Variants in ZC3H15 observed in about 807,000 individuals in gnomAD.
ZC3H15 encodes the protein zinc finger CCCH domain-containing protein 15.
A neutral mutation model predicts 51.2 loss-of-function variants in ZC3H15; 15 were observed. The observed-to-expected ratio is 0.29, with a 90% CI of 0.20 to 0.45. The LOEUF is 0.45. ZC3H15 is among the 20% of genes least tolerant of loss of function. ZC3H15 has a pLI of 1.00. For missense variants in ZC3H15, 381 were observed against 494.7 expected (o/e 0.77, Z 2.18); for synonymous variants, 144 against 162.8 (o/e 0.88, Z 0.88).
chr2:186,500,864 G>A (rs1011754404), intron 3 of ZC3H15, among the ~76,000 whole-genome samples: 7 of 152,012 alleles, frequency 4.6e-5, no homozygotes, highest in Non-Finnish European at 7.4e-5. Flanking sequence ...TAATAGAGAC[G>A]GGATTTCATC....
chr2:186,501,168 A>G (rs1685376545), intron 3 of ZC3H15, 105 bp from the exon 4 acceptor site: 15 of 1,220,226 alleles, frequency 1.2e-5, no homozygotes, highest in Admixed American at 2.7e-5. Flanking sequence ...CTCTCACATC[A>G]GTGAATGGAA....
chr2:186,506,068 T>C, intron 8 of ZC3H15: 2 of 627,262 alleles, frequency 3.2e-6, no homozygotes, highest in Non-Finnish European at 5.8e-6. Context: ...GAATTAGTAG[T>C]TCTTTATACA....
chr2:186,499,554 A>T (rs1685342476), intron 2 of ZC3H15: 1 of 456,006 alleles, frequency 2.2e-6, no homozygotes, highest in East Asian at 7.0e-5. Context: ...TCATCCTGCT[A>T]GATTCTGAGC....
At chr2:186,495,943 T>C (rs1685274296) in intron 2 of ZC3H15, among the ~76,000 whole-genome samples, 1 of 152,226 alleles carries the variant, frequency 6.6e-6, no homozygotes, top group Non-Finnish European at 1.5e-5. Flanking sequence ...GGTTTGCACT[T>C]CTATGACTTC....
In ZC3H15 at chr2:186,495,316, TC is replaced by T; in HGVS notation, c.160del (p.Gln54AsnfsTer7). 6.5e-7 allele frequency: 1 copy of T among 1,539,900 alleles called. No homozygotes were observed. Among genetic ancestry groups the T allele is most frequent in the South Asian group, 1.3e-5 (1 of 76,574 alleles). On this transcript the variant is annotated frameshift_variant, in exon 2 of 10. Transcript: ENST00000337859. LOFTEE classifies it high-confidence loss of function. ...CTGTCACACATCAAGTTAAATTTGG[TC>T]AACAAAATCCACGTCAGGTAAGTAA... ...KAVTHQVKFG[Q>X]QNPRQVAQSE...
chr2:186,495,107 G>C (rs1003392534), intron 1 of ZC3H15, 126 bp from the exon 2 acceptor site: 1 of 546,688 alleles, frequency 1.8e-6, no homozygotes, highest in Non-Finnish European at 3.1e-6. Context: ...TTGATGTTTA[G>C]TGTTTTGCAT....
intron 7 of ZC3H15, 51 bp downstream of exon 7, chr2:186,505,648 T>G: frequency 1.2e-5 from 20 of 1,601,160 alleles, no homozygotes; most frequent in Non-Finnish European, 1.5e-5. Flanking sequence ...ATTTTCAATT[T>G]CTGTGTCATG....
At position 186,502,566 on chromosome 2, in the gene ZC3H15, G is replaced by GA. The variant is rs1685403646; in HGVS notation, c.519dup (p.Pro174ThrfsTer15). On this transcript the variant is annotated frameshift_variant, in exon 5 of 10. Coordinates refer to ENST00000337859, the MANE Select transcript of ZC3H15 (RefSeq NM_018471.3). LOFTEE classifies it high-confidence loss of function. Reference sequence around the variant, plus strand: ...ACAAGAAGCACGGTGAGGCGGAAAAGAAAAAACCAAAAACTCAAATAGTAT... The same window carrying GA: ...ACAAGAAGCACGGTGAGGCGGAAAAGAAAAAAACCAAAAACTCAAATAGTAT... The GA allele has an allele frequency of 6.2e-7, 1 of 1,611,822 alleles. No homozygotes were observed. Among genetic ancestry groups the GA allele is most frequent in the Non-Finnish European group, 8.5e-7 (1 of 1,178,868 alleles).
intron 9 of ZC3H15, 22 bp downstream of exon 9, chr2:186,506,858 T>C (rs1229201952): frequency 6.2e-7 from 1 of 1,602,740 alleles, no homozygotes; most frequent in Non-Finnish European, 8.5e-7. Flanking sequence ...AACTTTTGCC[T>C]AATTTTAAGA....
intron 8 of ZC3H15, chr2:186,506,180 A>G (rs544449343): frequency 2.8e-6 from 1 of 361,454 alleles, no homozygotes; most frequent in African/African-American, 2.1e-5. Flanking sequence ...TTTGGTTAAT[A>G]TTTTATGCTT....
Position 186,486,549 on chromosome 2 carries a change from C to T in ZC3H15, c.75+92C>T, listed in dbSNP as rs1559005946. 3.6e-6 allele frequency: 5 copies of T among 1,390,844 alleles called. No individual in the cohort carries two copies. In the Admixed American group the frequency reaches 6.9e-5, roughly 19 times the overall value. 86.2% of individuals were successfully genotyped at this position (1,390,844 alleles called of 1,614,324 possible). On this transcript the variant is annotated intron_variant, in intron 1 of 9. Transcript: ENST00000337859. ...TTCCCTGGGAGCCGGCTCGCTTCCT[C>T]GGGCCACGTGTTCCTCCCTTAGGCC...
At chr2:186,496,751 T>C (rs561973725) in intron 2 of ZC3H15, among the ~76,000 whole-genome samples, 2 of 152,364 alleles carry the variant, frequency 1.3e-5, no homozygotes, top group South Asian at 2.1e-4. Context: ...TTCTAACTTA[T>C]ACAGCATGTT....
intron 1 of ZC3H15, 143 bp downstream of exon 1, chr2:186,486,600 G>C: frequency 1.2e-6 from 1 of 812,368 alleles, no homozygotes; most frequent in Non-Finnish European, 1.8e-6. Flanking sequence ...CCCTTCTCCA[G>C]CCCCTGATGA....
intron 8 of ZC3H15, 113 bp from the exon 9 acceptor site, chr2:186,506,600 G>A: frequency 8.1e-7 from 1 of 1,233,878 alleles, no homozygotes; most frequent in Non-Finnish European, 1.1e-6. Context: ...CCAGTAATTG[G>A]TCTTTTGTTT....
chr2:186,497,244 C>T, intron 2 of ZC3H15: 1 of 357,292 alleles, frequency 2.8e-6, no homozygotes, highest in South Asian at 2.2e-5. Flanking sequence ...TAAAAATCTG[C>T]TAATATGTAT....
At chr2:186,494,998 A>C (rs758996293) in intron 1 of ZC3H15, among the ~76,000 whole-genome samples, 2 of 151,954 alleles carry the variant, frequency 1.3e-5, no homozygotes, top group African/African-American at 4.8e-5. Flanking sequence ...TAAAATTTAA[A>C]AAGCTTCATA....
intron 3 of ZC3H15, chr2:186,500,723 G>A (rs900673736): frequency 1.3e-5 from 6 of 454,758 alleles, no homozygotes; most frequent in Admixed American, 1.2e-4. Flanking sequence ...TCACCAGGCT[G>A]GAGTGCAGTG....
At position 186,504,324 on chromosome 2, in the gene ZC3H15, T is replaced by C. The variant is rs1433989160; in HGVS notation, c.717+110T>C. ...TTTTATGAAAGGAAAAAAAAAATAT[T>C]GTGATCTATTCCCAAAGTTGCCCTA... On this transcript the variant is annotated intron_variant, in intron 6 of 9. Transcript: ENST00000337859. The C allele has an allele frequency of 5.1e-6, 5 of 980,682 alleles. No homozygotes were observed. In the East Asian group the frequency reaches 1.4e-4, roughly 28 times the overall value. 60.7% of individuals were successfully genotyped at this position (980,682 alleles called of 1,614,324 possible). A position where few individuals can be genotyped will look rare whatever the true frequency, so the allele number is the denominator to read the frequency against.
intron 2 of ZC3H15, chr2:186,497,174 GA>G: frequency 2.4e-6 from 1 of 424,204 alleles, no homozygotes; most frequent in Non-Finnish European, 4.6e-6. Context: ...TTAACTTCTG[GA>G]AACACATTTT....
Sources: gnomAD v4.1 joint callset for allele counts (sites outside exome capture counted in the v4.1 genomes callset) on GRCh38, gnomAD v4.1.1 for gene constraint, MANE v1.5 for transcripts, NCBI Gene and HGNC (gene_info 2026-07-23, HGNC 2026-07-21) for gene names.